Variants in SGCE observed in about 807,000 individuals in gnomAD.
The protein encoded by SGCE is epsilon-sarcoglycan.
A neutral mutation model predicts 57.8 loss-of-function variants in SGCE; 26 were observed. That is an observed-to-expected ratio of 0.45 (90% CI 0.33 to 0.62). The LOEUF (loss-of-function observed/expected upper bound fraction) is 0.62, where lower values mean the gene tolerates loss of function less well. Ranked by LOEUF, SGCE falls within the 20% of genes least tolerant of loss-of-function variation. SGCE has a pLI of 0.02. For missense variants in SGCE, 468 were observed against 548.6 expected (o/e 0.85, Z 1.47); for synonymous variants, 183 against 189.5 (o/e 0.97, Z 0.28).
chr7:94,626,435 G>C (rs1803726963), intron 3 of SGCE: 1 of 151,948 alleles, frequency 6.6e-6, no homozygotes, highest in Admixed American at 6.6e-5. Context: ...ACCTAGACTT[G>C]AGACCTGGCA....
intron 5 of SGCE, chr7:94,618,118 TC>T (rs1478832334): frequency 5.9e-5 from 9 of 152,352 alleles, no homozygotes; most frequent in African/African-American, 2.2e-4. Flanking sequence ...AGTCATGCTT[TC>T]TATCTGCACA....
intron 1 of SGCE, among the ~76,000 whole-genome samples, chr7:94,645,851 T>G (rs1356074433): frequency 6.6e-6 from 1 of 152,174 alleles, no homozygotes; most frequent in Non-Finnish European, 1.5e-5. Flanking sequence ...TGAAGAAAAT[T>G]TTGGATTTCT....
At chr7:94,588,886 A>G in intron 9 of SGCE, 154 bp from the exon 10 acceptor site, 1 of 756,986 alleles carries the variant, frequency 1.3e-6, no homozygotes, top group South Asian at 1.5e-5. Context: ...CTTACAGATG[A>G]GGAAACTGAG....
intron 5 of SGCE, among the ~76,000 whole-genome samples, chr7:94,607,838 T>C (rs892069734): frequency 1.3e-5 from 2 of 152,320 alleles, no homozygotes; most frequent in African/African-American, 4.8e-5. Flanking sequence ...TTAAATACTG[T>C]CTTTCTTTGC....
At chr7:94,621,573 A>G (rs949529389) in intron 4 of SGCE, 1 of 152,198 alleles carries the variant, frequency 6.6e-6, no homozygotes, top group Non-Finnish European at 1.5e-5. Flanking sequence ...AAGAAGTTCA[A>G]ACTATAGAAC....
rs913563035 is a variant in SGCE at position 94,607,854 on chromosome 7, A to T, written c.663-4402T>A. Among the ~76,000 whole-genome samples, 24 of 152,250 alleles carry T rather than the reference A, an allele frequency of 1.6e-4. 1 individual carries two copies. Among genetic ancestry groups the T allele is most frequent in the Non-Finnish European group, 1.2e-4 (8 of 68,038 alleles). On this transcript the variant is annotated intron_variant, in intron 5 of 10. Coordinates refer to ENST00000648936, the MANE Select transcript of SGCE (RefSeq NM_003919.3). ...TAAATACTGTCTTTCTTTGCAGATGATATGATTCAAAAGAATTGATTAAAA... is the reference window on the plus strand; with the variant it reads ...TAAATACTGTCTTTCTTTGCAGATGTTATGATTCAAAAGAATTGATTAAAA...
chr7:94,590,406 A>G (rs1797518572), intron 9 of SGCE: 1 of 152,116 alleles, frequency 6.6e-6, no homozygotes, highest in Non-Finnish European at 1.5e-5. Context: ...ATAATATTTA[A>G]TTGCCCCAAA....
rs369397438 is a variant in SGCE at position 94,634,955 on chromosome 7, G to A, written c.110-5114C>T. On this transcript the variant is annotated intron_variant, in intron 1 of 10. Coordinates refer to ENST00000648936, the MANE Select transcript of SGCE (RefSeq NM_003919.3). ...CATTGTATAAAACACTTACATATTC[G>A]ATATGTGGGAAATACACTGCACAAT... Among the ~76,000 whole-genome samples, 14 of 152,180 alleles carry A rather than the reference G, an allele frequency of 9.2e-5. 2 individuals are homozygous for A. The highest frequency in any genetic ancestry group is 3.1e-4 in the African/African-American group (13 of 41,494).
At chr7:94,586,257 A>T (rs1189561414) in intron 10 of SGCE, among the ~76,000 whole-genome samples, 1 of 152,108 alleles carries the variant, frequency 6.6e-6, no homozygotes, top group Non-Finnish European at 1.5e-5. Flanking sequence ...CTGTTTGATG[A>T]TAATCATGCA....
intron 7 of SGCE, chr7:94,600,235 G>A: frequency 4.8e-6 from 1 of 206,240 alleles, no homozygotes; most frequent in Non-Finnish European, 9.9e-6. Flanking sequence ...GTGTTACCCT[G>A]TTTGACAGCA....
chr7:94,615,791 G>A (rs1379258578), intron 5 of SGCE, among the ~76,000 whole-genome samples: 4 of 151,940 alleles, frequency 2.6e-5, no homozygotes, highest in East Asian at 1.9e-4. Flanking sequence ...TACATCACTC[G>A]CCTGTGGTTG....
intron 5 of SGCE, chr7:94,617,056 T>C (rs987159312): frequency 3.9e-5 from 6 of 152,184 alleles, no homozygotes; most frequent in Non-Finnish European, 7.3e-5. Context: ...CAGTTAGTGA[T>C]TGAATTCTCA....
intron 1 of SGCE, among the ~76,000 whole-genome samples, chr7:94,641,955 G>C (rs1806445405): frequency 6.6e-6 from 1 of 152,046 alleles, no homozygotes; most frequent in Non-Finnish European, 1.5e-5. Context: ...GGCTAAAACC[G>C]AGGCTACCGA....
chr7:94,598,715 A>C, intron 9 of SGCE, 60 bp downstream of exon 9: 1 of 1,132,038 alleles, frequency 8.8e-7, no homozygotes, highest in South Asian at 1.2e-5. Context: ...TCTGTTCTTT[A>C]CAGATATTAG....
In SGCE at chr7:94,598,754, TG is replaced by T; in HGVS notation, c.1253+20del. On this transcript the variant is annotated intron_variant, in intron 9 of 10. Transcript: ENST00000648936. ...AAATATACATGCATATTAATAATTA[TG>T]GCTCTAAGTGGACACTTACTGCTGC... 6.6e-7 allele frequency: 1 copy of T among 1,513,388 alleles called. No homozygotes were observed. Among genetic ancestry groups the T allele is most frequent in the Non-Finnish European group, 9.2e-7 (1 of 1,088,236 alleles). 93.7% of individuals were successfully genotyped at this position (1,513,388 alleles called of 1,614,324 possible).
At chr7:94,602,850 T>C (rs1372335979) in intron 6 of SGCE, among the ~76,000 whole-genome samples, 1 of 152,230 alleles carries the variant, frequency 6.6e-6, no homozygotes, top group Admixed American at 6.5e-5. Flanking sequence ...GGACTTTCCC[T>C]ATAATTTGAG....
At chr7:94,627,830 G>A (rs767197178) in intron 3 of SGCE, 2 of 208,236 alleles carry the variant, frequency 9.6e-6, no homozygotes, top group East Asian at 1.2e-4. Context: ...CAAGTAGCAG[G>A]GGTATATGTC....
intron 5 of SGCE, among the ~76,000 whole-genome samples, chr7:94,609,490 C>T (rs1385859945): frequency 6.6e-6 from 1 of 152,220 alleles, no homozygotes; most frequent in Non-Finnish European, 1.5e-5. Context: ...CAAGATTGCA[C>T]CACTGCACTC....
At chr7:94,644,604 A>G (rs1806811017) in intron 1 of SGCE, 1 of 1,265,222 alleles carries the variant, frequency 7.9e-7, no homozygotes, top group Non-Finnish European at 1.0e-6. Flanking sequence ...TATCATACTC[A>G]CCTTAAAAGC....
Sources: allele counts gnomAD v4.1 joint callset (sites outside exome capture counted in the v4.1 genomes callset), GRCh38; gene constraint gnomAD v4.1.1; transcripts MANE v1.5; gene names NCBI Gene and HGNC (gene_info 2026-07-23, HGNC 2026-07-21).